The following EMC3 variants were observed in gnomAD, a reference collection of about 807,000 sequenced individuals.
EMC3 encodes the protein 30 kDa protein.
A neutral mutation model predicts 36.6 loss-of-function variants in EMC3; 13 were observed. The ratio of observed to expected loss-of-function variants is 0.35; its 90% CI spans 0.23 to 0.56. The LOEUF (loss-of-function observed/expected upper bound fraction) is 0.56. Among genes scored for constraint, EMC3 ranks in the 20% least tolerant of loss-of-function variants. The probability of loss-of-function intolerance (pLI) is 0.84; values close to 1 mark genes in which losing one functional copy is unlikely to be tolerated. For synonymous variants in EMC3, 120 were observed against 111.9 expected (o/e 1.07, Z -0.46); for missense variants, 220 against 324.5 (o/e 0.68, Z 2.47).
chr3:9,975,720 G>C (rs773306005), intron 3 of EMC3, among the ~76,000 whole-genome samples: 2 of 151,004 alleles, frequency 1.3e-5, no homozygotes, highest in Non-Finnish European at 2.9e-5. Context: ...GCTGAGGCAG[G>C]AGAATCGCGT....
At chr3:9,970,181 G>A (rs532608120) in intron 6 of EMC3, among the ~76,000 whole-genome samples, 9 of 152,296 alleles carry the variant, frequency 5.9e-5, no homozygotes, top group Non-Finnish European at 1.3e-4. Flanking sequence ...TAGAGAATTC[G>A]AAGTTAAGTA....
intron 1 of EMC3, among the ~76,000 whole-genome samples, chr3:9,983,981 G>C: frequency 6.6e-6 from 1 of 152,152 alleles, no homozygotes. Flanking sequence ...GCTAATGTAA[G>C]GCTAAAATAA....
upstream of EMC3, chr3:9,988,651 T>G (rs1559355399): frequency 9.7e-6 from 10 of 1,029,502 alleles, no homozygotes; most frequent in Non-Finnish European, 1.5e-5. Context: ...GCATGCTGAA[T>G]AAGGTGTAAC....
chr3:9,998,671 C>T (rs1172694561), intron 1 of EMC3, among the ~76,000 whole-genome samples: 1 of 152,034 alleles, frequency 6.6e-6, no homozygotes, highest in African/African-American at 2.4e-5. Context: ...TCCCTAATGA[C>T]TAATGATGTT....
chr3:9,997,755 C>T (rs562315724), intron 1 of EMC3, among the ~76,000 whole-genome samples: 19 of 152,240 alleles, frequency 1.2e-4, no homozygotes, highest in East Asian at 3.9e-4. Flanking sequence ...CCACTGCGCC[C>T]GGCCCCCATT....
chr3:10,001,154 G>A (rs1241164778), intron 1 of EMC3, among the ~76,000 whole-genome samples: 2 of 152,022 alleles, frequency 1.3e-5, no homozygotes, highest in African/African-American at 2.4e-5. Flanking sequence ...TGTGTATAGT[G>A]TATTTTAAGG....
At chr3:9,986,122 G>C (rs2085968815) in intron 1 of EMC3, among the ~76,000 whole-genome samples, 1 of 152,066 alleles carries the variant, frequency 6.6e-6, no homozygotes, top group Non-Finnish European at 1.5e-5. Flanking sequence ...CACTTGACTG[G>C]ATGTTACAAA....
At chr3:9,997,876 T>C (rs962100950) in intron 1 of EMC3, among the ~76,000 whole-genome samples, 1 of 152,160 alleles carries the variant, frequency 6.6e-6, no homozygotes, top group African/African-American at 2.4e-5. Context: ...TTTACAAATA[T>C]TTGTTTGAGT....
At chr3:9,971,202 C>T (rs753476604) in intron 5 of EMC3, among the ~76,000 whole-genome samples, 3 of 152,022 alleles carry the variant, frequency 2.0e-5, no homozygotes, top group Admixed American at 6.6e-5. Context: ...GGATTACAGG[C>T]GTGAGCCACT....
At chr3:10,007,325 T>C in intron 1 of EMC3, 1 of 1,309,662 alleles carries the variant, frequency 7.6e-7, no homozygotes, top group Non-Finnish European at 1.0e-6. Context: ...CCCCTTCAGG[T>C]CCCGTCTGCC....
At chr3:9,967,246 C>A (rs1406575688) in intron 7 of EMC3, among the ~76,000 whole-genome samples, 1 of 152,174 alleles carries the variant, frequency 6.6e-6, no homozygotes, top group Non-Finnish European at 1.5e-5. Context: ...ACAATCACAG[C>A]TCATTGCAGC....
chr3:9,963,336 G>A lies in EMC3; in HGVS notation c.*733C>T, dbSNP rs2085704670. The A allele has an allele frequency of 6.6e-6, 1 of 151,774 alleles. No individual in the cohort carries two copies. The highest frequency in any genetic ancestry group is 1.5e-5 in the Non-Finnish European group (1 of 67,950). The allele number at this position is 151,774 out of a possible 1,614,324, so 9.4% of individuals were successfully genotyped here. On this transcript the variant is annotated 3_prime_UTR_variant, in exon 8 of 8. Coordinates refer to ENST00000245046, the MANE Select transcript of EMC3 (RefSeq NM_001394674.1). ...CTAACAAAACTAATGGTAAAACACA[G>A]GGTGTTTGGATCCCAAGAAAACAGG...
At chr3:9,992,086 C>T (rs1211277207) in intron 1 of EMC3, among the ~76,000 whole-genome samples, 2 of 152,084 alleles carry the variant, frequency 1.3e-5, no homozygotes, top group African/African-American at 4.8e-5. Flanking sequence ...GTTGGGGACC[C>T]CTGATCTACC....
intron 3 of EMC3, among the ~76,000 whole-genome samples, chr3:9,976,068 A>G (rs1427253619): frequency 6.6e-6 from 1 of 152,134 alleles, no homozygotes; most frequent in Non-Finnish European, 1.5e-5. Context: ...AGAGGAGTCA[A>G]CACAGAACAA....
chr3:10,008,291 G>A, intron 1 of EMC3: 2 of 780,798 alleles, frequency 2.6e-6, no homozygotes, highest in Non-Finnish European at 3.8e-6. Context: ...CTCCTCTTCA[G>A]AAGCCAGGGC....
upstream of EMC3, chr3:9,987,716 T>G: frequency 2.5e-6 from 1 of 404,966 alleles, no homozygotes; most frequent in Non-Finnish European, 4.6e-6. Flanking sequence ...CTCACAGAAT[T>G]CTGAAATTTT....
At chr3:9,977,685 CAG>C (rs1466519075) in intron 1 of EMC3, among the ~76,000 whole-genome samples, 2 of 152,252 alleles carry the variant, frequency 1.3e-5, no homozygotes, top group South Asian at 2.1e-4. Context: ...ATAAATATTT[CAG>C]AGTTAGGTAC....
At chr3:9,985,260 A>G (rs933920623) in intron 1 of EMC3, among the ~76,000 whole-genome samples, 5 of 152,258 alleles carry the variant, frequency 3.3e-5, no homozygotes, top group African/African-American at 1.2e-4. Flanking sequence ...TACAGTAGAA[A>G]CAAAACAACA....
intron 3 of EMC3, among the ~76,000 whole-genome samples, chr3:9,974,805 G>C (rs1321635959): frequency 6.7e-6 from 1 of 149,414 alleles, no homozygotes; most frequent in Non-Finnish European, 1.5e-5. Flanking sequence ...TGATCCGCCT[G>C]CTTCGGCCTC....
Sources: gnomAD v4.1 joint callset for allele counts (sites outside exome capture counted in the v4.1 genomes callset) on GRCh38, gnomAD v4.1.1 for gene constraint, MANE v1.5 for transcripts, NCBI Gene and HGNC (gene_info 2026-07-23, HGNC 2026-07-21) for gene names.